ABCG8: variants seen among roughly 807,000 people sequenced by gnomAD.
The protein encoded by ABCG8 is ATP-binding cassette sub-family G member 8.
Under a neutral mutation model 71.3 loss-of-function variants are expected in ABCG8, and 81 were observed. The ratio of observed to expected loss-of-function variants is 1.14; its 90% confidence interval spans 0.95 to 1.37. The LOEUF is 1.37. ABCG8 is among the 40% of genes most tolerant of loss of function. The pLI is 0.00. For synonymous variants in ABCG8, 451 were observed against 354.7 expected (o/e 1.27, Z -3.05); for missense variants, 1,119 against 866.2 (o/e 1.29, Z -3.66).
At chr2:43,852,517 G>A (rs1353719428) in intron 5 of ABCG8, 31 bp downstream of exon 5, 1 of 1,613,724 alleles carries the variant, frequency 6.2e-7, no homozygotes, top group Non-Finnish European at 8.5e-7. Flanking sequence ...TGGGGGCAGA[G>A]GGACCTGTGC....
intron 6 of ABCG8, among the ~76,000 whole-genome samples, chr2:43,865,405 ATCTG>A (rs1172988360): frequency 1.3e-5 from 2 of 150,606 alleles, no homozygotes; most frequent in East Asian, 3.9e-4. Flanking sequence ...AACTCTCACT[ATCTG>A]TCTGGATAGA....
chr2:43,868,542 G>C (rs1314082899), intron 6 of ABCG8, among the ~76,000 whole-genome samples: 2 of 151,904 alleles, frequency 1.3e-5, no homozygotes, highest in Non-Finnish European at 2.9e-5. Context: ...TTCACTATCT[G>C]TCTGGATAGA....
chr2:43,845,078 A>ATGTG (rs1156395992), intron 2 of ABCG8, among the ~76,000 whole-genome samples: 1 of 128,184 alleles, frequency 7.8e-6, no homozygotes, highest in Non-Finnish European at 1.6e-5. Flanking sequence ...AGTTATATAT[A>ATGTG]TATGTGTGTG....
intron 11 of ABCG8, 59 bp from the exon 12 acceptor site, chr2:43,877,502 A>G: frequency 6.2e-7 from 1 of 1,611,284 alleles, no homozygotes; most frequent in Non-Finnish European, 8.5e-7. Context: ...CCATGCGAAT[A>G]TGGGGAAACC....
intron 6 of ABCG8, among the ~76,000 whole-genome samples, chr2:43,868,683 T>C (rs1669630878): frequency 6.6e-6 from 1 of 152,108 alleles, no homozygotes. Context: ...TGGATACTAC[T>C]CTCGCTATCT....
At chr2:43,858,965 T>C (rs775942939) in intron 6 of ABCG8, among the ~76,000 whole-genome samples, 2 of 151,468 alleles carry the variant, frequency 1.3e-5, no homozygotes, top group African/African-American at 4.8e-5. Flanking sequence ...AGTCTCTGGA[T>C]AGAAGTCTCA....
Position 43,872,114 on chromosome 2 carries a change from T to G in ABCG8, c.1103T>G (p.Leu368Arg), listed in dbSNP as rs775572172. Reference sequence around the variant, plus strand: ...CTATGGAAAGCAGAGACGAAGGATCTTGACGAGGACACCTGTGTGGAAAGG... The same window carrying G: ...CTATGGAAAGCAGAGACGAAGGATCGTGACGAGGACACCTGTGTGGAAAGG... ...DFLWKAETKDLDEDTCVESSV... is the reference protein window; with the variant it reads ...DFLWKAETKDRDEDTCVESSV... Residue 368 changes from leucine to arginine, a missense_variant, in exon 7 of 13, where the codon CTT becomes CGT. Leu to Arg is a moderately radical substitution (Grantham distance 102). Transcript: ENST00000272286. 6.2e-7 allele frequency: 1 copy of G among 1,614,122 alleles called. No homozygotes were observed. The highest frequency in any genetic ancestry group is 8.5e-7 in the Non-Finnish European group (1 of 1,180,034).
At chr2:43,875,094 A>G in intron 10 of ABCG8, 52 bp from the exon 11 acceptor site, 1 of 1,613,434 alleles carries the variant, frequency 6.2e-7, no homozygotes, top group East Asian at 2.2e-5. Context: ...CGTTTATAAT[A>G]ATGGCAGTGA....
chr2:43,842,601 A>G (rs570529132), intron 1 of ABCG8, among the ~76,000 whole-genome samples: 8 of 151,984 alleles, frequency 5.3e-5, no homozygotes, highest in Non-Finnish European at 1.2e-4. Flanking sequence ...TCTCAATTTG[A>G]CAACATATTG....
At position 43,844,611 on chromosome 2, in the gene ABCG8, A is replaced by G. The variant is rs1224464053; in HGVS notation, c.165+3A>G. 1.9e-6 allele frequency: 3 copies of G among 1,607,690 alleles called. No individual in the cohort carries two copies. Among genetic ancestry groups the G allele is most frequent in the Non-Finnish European group, 2.6e-6 (3 of 1,174,200 alleles). On this transcript the variant is annotated splice_donor_region_variant and intron_variant, in intron 2 of 12. Transcript: ENST00000272286. The stretch of plus-strand genomic sequence containing the variant: ...AGGTCAGAGACCTCAACTACCAGGT[A>G]GAGGCACGCCTGGGTTCAAGGGGAG...
At chr2:43,847,841 A>T (rs1449270422) in intron 3 of ABCG8, 2 of 144,892 alleles carry the variant, frequency 1.4e-5, no homozygotes, top group African/African-American at 5.1e-5. Context: ...GCTCACTGCA[A>T]CCCGCTCCTC....
At position 43,872,153 on chromosome 2, in the gene ABCG8, G is replaced by C. The variant is rs1463992515; in HGVS notation, c.1127+15G>C. On this transcript the variant is annotated intron_variant, in intron 7 of 12. Transcript: ENST00000272286. Reference sequence around the variant, plus strand: ...TGTGTGGAAAGGTAAGGTGGCAGGCGACTCTGAGAGGAGAGCTCCCTGCAG... The same window carrying C: ...TGTGTGGAAAGGTAAGGTGGCAGGCCACTCTGAGAGGAGAGCTCCCTGCAG... 5 of 1,614,058 alleles carry C rather than the reference G, an allele frequency of 3.1e-6. No homozygotes were observed. In the South Asian group the frequency reaches 4.4e-5, roughly 14 times the overall value.
intron 6 of ABCG8, among the ~76,000 whole-genome samples, chr2:43,869,074 T>C (rs1022511848): frequency 6.6e-6 from 1 of 152,158 alleles, no homozygotes; most frequent in Admixed American, 6.5e-5. Flanking sequence ...ACTATCTGGA[T>C]AGAATTCTCA....
chr2:43,872,520 G>A (rs1298317067), intron 8 of ABCG8, among the ~76,000 whole-genome samples: 1 of 152,084 alleles, frequency 6.6e-6, no homozygotes, highest in Non-Finnish European at 1.5e-5. Context: ...TCAGGAGTTC[G>A]AGACCAGCCT....
At chr2:43,866,422 G>A (rs942497621) in intron 6 of ABCG8, among the ~76,000 whole-genome samples, 2 of 151,908 alleles carry the variant, frequency 1.3e-5, no homozygotes, top group Non-Finnish European at 2.9e-5. Context: ...CACAAAATAG[G>A]AAAAAATTTT....
chr2:43,843,145 G>A (rs1301349379), intron 1 of ABCG8, among the ~76,000 whole-genome samples: 1 of 152,204 alleles, frequency 6.6e-6, no homozygotes, highest in East Asian at 1.9e-4. Context: ...TGCCTGGTCT[G>A]TCTCGCTCCA....
intron 6 of ABCG8, among the ~76,000 whole-genome samples, chr2:43,854,215 C>T (rs950935696): frequency 5.3e-5 from 8 of 152,188 alleles, no homozygotes; most frequent in Admixed American, 2.6e-4. Flanking sequence ...AAGAGCTACA[C>T]GGGGCCTGGG....
At chr2:43,846,022 G>A in intron 2 of ABCG8, 133 bp from the exon 3 acceptor site, 3 of 900,832 alleles carry the variant, frequency 3.3e-6, no homozygotes, top group Admixed American at 1.8e-5. Flanking sequence ...CTGGGTTGGG[G>A]CCTATTGTGT....
rs139612373 is a variant in ABCG8 at position 43,874,458 on chromosome 2, C to A, written c.1463C>A (p.Thr488Asn). Residue 488 changes from threonine to asparagine, a missense_variant, in exon 10 of 13, where the codon ACC becomes AAC. Transcript: ENST00000272286. ...TATGAACTGGAAGACGGGCTGTACA[C>A]CACTGGTCCATATTTCTTTGCCAAG... ...LYYELEDGLY[T>N]TGPYFFAKIL... is the part of the protein sequence containing the mutation. 3.5e-5 allele frequency: 57 copies of A among 1,613,762 alleles called. No homozygotes were observed. The highest frequency in any genetic ancestry group is 3.3e-4 in the Middle Eastern group (2 of 6,082).
Sources: allele counts gnomAD v4.1 joint callset (sites outside exome capture counted in the v4.1 genomes callset), GRCh38; gene constraint gnomAD v4.1.1; transcripts MANE v1.5; gene names NCBI Gene and HGNC (gene_info 2026-07-23, HGNC 2026-07-21).